The following SFRP4 variants were observed in gnomAD, a reference collection of about 807,000 sequenced individuals.
SFRP4 encodes secreted frizzled-related protein 4.
In SFRP4, 25 loss-of-function variants were observed where a neutral mutation model predicts 36.3. The ratio of observed to expected loss-of-function variants is 0.69; its 90% CI spans 0.50 to 0.96. SFRP4 has a LOEUF of 0.96. SFRP4 is among the 40% of genes least tolerant of loss of function. The pLI, the probability that SFRP4 is intolerant of heterozygous loss-of-function variation, is 0.00. For missense variants in SFRP4, 487 were observed against 459.6 expected (o/e 1.06, Z -0.54); for synonymous variants, 182 against 168.8 (o/e 1.08, Z -0.60).
chr7:37,912,036 A>G lies in SFRP4; in HGVS notation c.791+83T>C. The G allele has an allele frequency of 3.7e-6, 4 of 1,078,148 alleles. 1 individual carries two copies. The highest frequency in any genetic ancestry group is 3.2e-5 in the African/African-American group (2 of 63,456). 66.8% of individuals were successfully genotyped at this position (1,078,148 alleles called of 1,614,324 possible). A position where few individuals can be genotyped will look rare whatever the true frequency, so the allele number is the denominator to read the frequency against. On this transcript the variant is annotated intron_variant, in intron 4 of 5. Coordinates refer to ENST00000436072, the MANE Select transcript of SFRP4 (RefSeq NM_003014.4). ...AAAAAGACTTTGGCATATTTTTGTTATATTTTTAAACCATGACTGCTAACT... is the reference window on the plus strand; with the variant it reads ...AAAAAGACTTTGGCATATTTTTGTTGTATTTTTAAACCATGACTGCTAACT...
At position 37,907,173 on chromosome 7, in the gene SFRP4, G is replaced by A. The variant is rs1278748910; in HGVS notation, c.*306C>T. 4.4e-6 allele frequency: 1 copy of A among 228,688 alleles called. No individual in the cohort carries two copies. Among genetic ancestry groups the A allele is most frequent in the Non-Finnish European group, 8.4e-6 (1 of 119,038 alleles). The allele number at this position is 228,688 out of a possible 1,614,324, so 14.2% of individuals were successfully genotyped here. A position where few individuals can be genotyped will look rare whatever the true frequency, so the allele number is the denominator to read the frequency against. On this transcript the variant is annotated 3_prime_UTR_variant, in exon 6 of 6. Coordinates refer to ENST00000436072, the MANE Select transcript of SFRP4 (RefSeq NM_003014.4). The stretch of plus-strand genomic sequence containing the variant: ...CACATATTAGGTCGAATTGTAACAA[G>A]CATTATTTTCCCTACTCTTCTAGAG...
intron 5 of SFRP4, among the ~76,000 whole-genome samples, chr7:37,908,416 G>A (rs1785432192): frequency 6.6e-6 from 1 of 152,310 alleles, no homozygotes; most frequent in Middle Eastern, 3.4e-3. Context: ...GTCATCAGCT[G>A]GGTATTATTC....
rs1435566646 is a variant in SFRP4 at position 37,906,277 on chromosome 7, A to T, written c.*1202T>A. 3 of 152,204 alleles carry T rather than the reference A, an allele frequency of 2.0e-5. No homozygotes were observed. The highest frequency in any genetic ancestry group is 2.0e-4 in the Admixed American group (3 of 15,282). 9.4% of individuals were successfully genotyped at this position (152,204 alleles called of 1,614,324 possible). A position where few individuals can be genotyped will look rare whatever the true frequency, so the allele number is the denominator to read the frequency against. The stretch of plus-strand genomic sequence containing the variant: ...ATTTTATTTCCTTTGGGCGTTGTGC[A>T]TTTATTGAATGCCTTATAGAGAATA... On this transcript the variant is annotated 3_prime_UTR_variant, in exon 6 of 6. Transcript: ENST00000436072.
intron 3 of SFRP4, among the ~76,000 whole-genome samples, 159 bp downstream of exon 3, chr7:37,914,054 G>A (rs1021482944): frequency 2.6e-5 from 4 of 152,182 alleles, no homozygotes; most frequent in Non-Finnish European, 2.9e-5. Flanking sequence ...AGTTGTTATT[G>A]TGCCATATAT....
intron 4 of SFRP4, among the ~76,000 whole-genome samples, chr7:37,910,043 T>A (rs79712204): frequency 0.016 from 2,451 of 152,178 alleles, 31 homozygotes; most frequent in Non-Finnish European, 0.027. Flanking sequence ...TTTGCTTAGC[T>A]ATGATTACCA....
At chr7:37,915,324 C>T (rs1232055088) in intron 1 of SFRP4, among the ~76,000 whole-genome samples, 1 of 152,162 alleles carries the variant, frequency 6.6e-6, no homozygotes, top group African/African-American at 2.4e-5. Flanking sequence ...ATGTTTAGAG[C>T]AATGCTCTGG....
intron 5 of SFRP4, among the ~76,000 whole-genome samples, chr7:37,908,744 G>A (rs555535958): frequency 1.3e-5 from 2 of 152,286 alleles, no homozygotes; most frequent in South Asian, 4.1e-4. Flanking sequence ...ATAGAACTAA[G>A]CATGCTCCTG....
intron 4 of SFRP4, chr7:37,909,890 T>A (rs1274943332): frequency 3.1e-6 from 1 of 324,286 alleles, no homozygotes; most frequent in Non-Finnish European, 5.6e-6. Flanking sequence ...GATCTGCTGA[T>A]CTGCAAATTT....
chr7:37,916,634 C>A lies in SFRP4; in HGVS notation c.-97G>T. ...GCTGTCCCTTCGCCGAGGAAGAAAT[C>A]CTCTGGGGCGCAGGAGAGTTTCTTC... On this transcript the variant is annotated 5_prime_UTR_variant, in exon 1 of 6. Coordinates refer to ENST00000436072, the MANE Select transcript of SFRP4 (RefSeq NM_003014.4). The surrounding 1 kb of genome is among the most constrained non-coding windows in gnomAD (Gnocchi z 4.1). The A allele has an allele frequency of 1.4e-6, 2 of 1,472,198 alleles. No individual in the cohort carries two copies. Among genetic ancestry groups the A allele is most frequent in the African/African-American group, 2.8e-5 (2 of 71,646 alleles). 91.2% of individuals were successfully genotyped at this position (1,472,198 alleles called of 1,614,324 possible).
Position 37,916,216 on chromosome 7 carries a change from A to G in SFRP4, c.322T>C (p.Cys108Arg). The change falls in exon 1 of 6, where the codon TGC becomes CGC. Residue 108 changes from cysteine to arginine, a missense_variant. By Grantham distance (180) the Cys-to-Arg change is radical. Transcript: ENST00000436072. This position sits in a 1 kb window ranked among gnomAD's most constrained non-coding sequence, Gnocchi z 4.1. ...TTGTACATCTTCATGAGGGGCTCGC[A>G]GTCGTCGCGCGCGCGTTGGCACACC... ...KSVCQRARDD[C>R]EPLMKMYNHS... is the part of the protein sequence containing the mutation. 1 of 1,614,156 alleles carries G rather than the reference A, an allele frequency of 6.2e-7. No individual in the cohort carries two copies. Among genetic ancestry groups the G allele is most frequent in the Non-Finnish European group, 8.5e-7 (1 of 1,180,030 alleles).
At chr7:37,909,756 A>T (rs905630779) in intron 4 of SFRP4, 76 bp from the exon 5 acceptor site, 5 of 818,140 alleles carry the variant, frequency 6.1e-6, no homozygotes, top group Non-Finnish European at 6.0e-6. Flanking sequence ...TTGTAAAAAA[A>T]TTATTCAATA....
At position 37,914,452 on chromosome 7, in the gene SFRP4, A is replaced by G. The variant is rs1194697876; in HGVS notation, c.447T>C (p.Asp149=). The G allele has an allele frequency of 4.3e-6, 7 of 1,613,040 alleles. No individual in the cohort carries two copies. The African/African-American group carries it at 6.7e-5, about 15-fold the overall frequency. Reference sequence around the variant, plus strand: ...CTGGTGTGATGTCTATCCACTTAACATCTGAAACACAAACAGGGCCACATG... The same window carrying G: ...CTGGTGTGATGTCTATCCACTTAACGTCTGAAACACAAACAGGGCCACATG... The part of the protein sequence containing the change: ...PEAIVTDLPE[D]VKWIDITPDM... The change falls in exon 2 of 6, where the codon GAT becomes GAC. Residue 149 remains aspartate, a splice_region_variant and synonymous_variant. Transcript: ENST00000436072.
rs754459577 is a variant in SFRP4, at chr7:37,916,056, G to C, written c.445+37C>G. ...TCGATTGGCAGCCACAGCCCCGGGC[G>C]CCTCCTCGCCTCCCTCCATCCTTCC... On this transcript the variant is annotated intron_variant, in intron 1 of 5. Transcript: ENST00000436072. This position sits in a 1 kb window ranked among gnomAD's most constrained non-coding sequence, Gnocchi z 4.1. 3.8e-6 allele frequency: 6 copies of C among 1,579,862 alleles called. No individual in the cohort carries two copies. Among genetic ancestry groups the C allele is most frequent in the East Asian group, 2.3e-5 (1 of 44,414 alleles).
At position 37,906,979 on chromosome 7, in the gene SFRP4, A is replaced by G. The variant is rs1315920462; in HGVS notation, c.*500T>C. 1 of 152,286 alleles carries G rather than the reference A, an allele frequency of 6.6e-6. No homozygotes were observed. The highest frequency in any genetic ancestry group is 1.5e-5 in the Non-Finnish European group (1 of 68,096). The allele number at this position is 152,286 out of a possible 1,614,324, so 9.4% of individuals were successfully genotyped here. Reference sequence around the variant, plus strand: ...ATCCTTCTGCAGACCATAAACACATAAAGATCTTTTAGACATTCATTCCAC... The same window carrying G: ...ATCCTTCTGCAGACCATAAACACATGAAGATCTTTTAGACATTCATTCCAC... On this transcript the variant is annotated 3_prime_UTR_variant, in exon 6 of 6. Coordinates refer to ENST00000436072, the MANE Select transcript of SFRP4 (RefSeq NM_003014.4).
intron 4 of SFRP4, 52 bp downstream of exon 4, chr7:37,912,067 T>G: frequency 7.3e-7 from 1 of 1,363,156 alleles, no homozygotes; most frequent in Non-Finnish European, 1.0e-6. Context: ...TAACTGAGAT[T>G]GAGGTCTTCC....
rs778026259 is a variant in SFRP4 at position 37,907,579 on chromosome 7, G to C, written c.941C>G (p.Pro314Arg). ...AGCAGGAGGCTTTCCCTTTGGTTTGGGGGGATTACTACGACTGGTGCGCCC... is the reference window on the plus strand; with the variant it reads ...AGCAGGAGGCTTTCCCTTTGGTTTGCGGGGATTACTACGACTGGTGCGCCC... ...TAGRTSRSNPPKPKGKPPAPK... is the reference protein window; with the variant it reads ...TAGRTSRSNPRKPKGKPPAPK... Residue 314 changes from proline (P) to arginine (R), a missense_variant, in exon 6 of 6, where the codon CCC becomes CGC. Physicochemically the swap from Pro to Arg is moderately radical, Grantham distance 103 (BLOSUM62 -2). Transcript: ENST00000436072. 6 of 1,613,756 alleles carry C rather than the reference G, an allele frequency of 3.7e-6. No homozygotes were observed. The highest frequency in any genetic ancestry group is 1.7e-4 in the Middle Eastern group (1 of 6,024).
Position 37,916,693 on chromosome 7 carries a change from C to CG in SFRP4, c.-157dup. The CG allele has an allele frequency of 8.5e-7, 1 of 1,176,812 alleles. No homozygotes were observed. Among genetic ancestry groups the CG allele is most frequent in the African/African-American group, 1.5e-5 (1 of 64,834 alleles). 72.9% of individuals were successfully genotyped at this position (1,176,812 alleles called of 1,614,324 possible). On this transcript the variant is annotated 5_prime_UTR_variant, in exon 1 of 6. Coordinates refer to ENST00000436072, the MANE Select transcript of SFRP4 (RefSeq NM_003014.4). The surrounding 1 kb of genome is among the most constrained non-coding windows in gnomAD (Gnocchi z 4.1). ...TCCAGTCGGCAGCAAAGCGGGGCCG[C>CG]GGGGTCCGGCCGCGGAGCTCCGCCG... is the stretch of plus-strand genomic sequence containing the variant.
rs775432602 is a variant in SFRP4, at chr7:37,907,601, G to T, written c.919C>A (p.Arg307Ser). ...TVQDKKKTAGRTSRSNPPKPK... is the reference protein window; with the variant it reads ...TVQDKKKTAGSTSRSNPPKPK... ...TTGGGGGGATTACTACGACTGGTGC[G>T]CCCGGCTGTTTTCTTCTTGTCCTGA... The change falls in exon 6 of 6, where the codon CGC becomes AGC. Residue 307 changes from arginine to serine, a missense_variant. By Grantham distance (110) the Arg-to-Ser change is moderately radical. Coordinates refer to ENST00000436072, the MANE Select transcript of SFRP4 (RefSeq NM_003014.4). The T allele has an allele frequency of 1.2e-6, 2 of 1,613,710 alleles. No individual in the cohort carries two copies. The highest frequency in any genetic ancestry group is 1.7e-4 in the Middle Eastern group (1 of 5,980).
chr7:37,913,332 T>C (rs1471228052), intron 3 of SFRP4, among the ~76,000 whole-genome samples: 1 of 152,250 alleles, frequency 6.6e-6, no homozygotes, highest in East Asian at 1.9e-4. Context: ...GTCTGATATG[T>C]ATCCTAAAGT....
Sources: gnomAD v4.1 joint callset for allele counts (sites outside exome capture counted in the v4.1 genomes callset) on GRCh38, gnomAD v4.1.1 for gene constraint, Gnocchi (gnomAD v3.1) non-coding constraint, MANE v1.5 for transcripts, NCBI Gene and HGNC (gene_info 2026-07-23, HGNC 2026-07-21) for gene names.